GUCY2C: variants seen among roughly 807,000 people sequenced by gnomAD.
GUCY2C encodes guanylate cyclase 2C, also known as guanylyl cyclase C.
A neutral mutation model predicts 131.1 loss-of-function variants in GUCY2C; 118 were observed. The observed-to-expected ratio is 0.90, with a 90% CI of 0.78 to 1.05. The LOEUF is 1.05. Ranked by LOEUF, GUCY2C falls within the 50% of genes least tolerant of loss-of-function variation. The probability of loss-of-function intolerance (pLI) is 0.00; values close to 1 mark genes in which losing one functional copy is unlikely to be tolerated. For synonymous variants in GUCY2C, 452 were observed against 457.8 expected (o/e 0.99, Z 0.16); for missense variants, 1,161 against 1,304.4 (o/e 0.89, Z 1.69).
chr12:14,614,546 G>T, intron 26 of GUCY2C: 1 of 224,796 alleles, frequency 4.4e-6, no homozygotes, highest in East Asian at 1.1e-4. Flanking sequence ...TTGGGATAAA[G>T]GATCCACAGT....
intron 1 of GUCY2C, among the ~76,000 whole-genome samples, chr12:14,692,434 TGA>T (rs536268202): frequency 2.6e-5 from 4 of 152,332 alleles, no homozygotes; most frequent in African/African-American, 9.6e-5. Flanking sequence ...TTATTTTTTT[TGA>T]TGAATTTATA....
In GUCY2C at chr12:14,696,375, T is replaced by C. The variant is rs777382774; in HGVS notation, c.74A>G (p.Gln25Arg). The change falls in exon 1 of 27, where the codon CAG becomes CGG. Residue 25 changes from glutamine (Q) to arginine (R), a missense_variant. Physicochemically the swap from Gln to Arg is conservative, Grantham distance 43. Coordinates refer to ENST00000261170, the MANE Select transcript of GUCY2C (RefSeq NM_004963.4). ...FQPGWLSFSS[Q>R]VSQNCHNGSY... is the part of the protein sequence containing the mutation. The stretch of plus-strand genomic sequence containing the variant: ...GCCATTGTGGCAGTTCTGACTCACC[T>C]GGGAACTAAAGGACAGCCACCCGGG... 4 of 1,613,986 alleles carry C rather than the reference T, an allele frequency of 2.5e-6. No homozygotes were observed. The highest frequency in any genetic ancestry group is 3.4e-6 in the Non-Finnish European group (4 of 1,180,010).
At position 14,612,683 on chromosome 12, in the gene GUCY2C, G is replaced by A. The variant is rs1016106528; in HGVS notation, c.*434C>T. 1.2e-4 allele frequency: 18 copies of A among 154,864 alleles called. No homozygotes were observed. The highest frequency in any genetic ancestry group is 3.2e-4 in the Admixed American group (5 of 15,546). 9.6% of individuals were successfully genotyped at this position (154,864 alleles called of 1,614,324 possible). On this transcript the variant is annotated 3_prime_UTR_variant, in exon 27 of 27. Transcript: ENST00000261170. ...TTGCCTAATATATAGCATATTTTCT[G>A]CAAAAATTATGAGTTAAATATACTT...
chr12:14,662,398 G>A (rs939254770), intron 10 of GUCY2C, among the ~76,000 whole-genome samples: 8 of 152,226 alleles, frequency 5.3e-5, no homozygotes, highest in African/African-American at 1.4e-4. Context: ...GATGTTGGCC[G>A]GGTGCGGTGG....
chr12:14,681,405 T>C lies in GUCY2C; in HGVS notation c.684A>G (p.Gln228=). Residue 228 remains glutamine, a synonymous_variant, in exon 5 of 27, where the codon CAA becomes CAG. Transcript: ENST00000261170. Reference sequence around the variant, plus strand: ...TTAAGATATCCTGAAACTCCTTATCTTGTCTTAACACCACCTTAAAGCCGA... The same window carrying C: ...TTAAGATATCCTGAAACTCCTTATCCTGTCTTAACACCACCTTAAAGCCGA... The part of the protein sequence containing the change: ...HELGFKVVLR[Q]DKEFQDILMD... The C allele has an allele frequency of 6.2e-7, 1 of 1,611,986 alleles. No homozygotes were observed. The highest frequency in any genetic ancestry group is 8.5e-7 in the Non-Finnish European group (1 of 1,178,156).
chr12:14,619,439 AAAT>A, intron 23 of GUCY2C, 130 bp from the exon 24 acceptor site: 1 of 618,650 alleles, frequency 1.6e-6, no homozygotes, highest in South Asian at 2.1e-5. Flanking sequence ...TGAGGATGTG[AAAT>A]GTGAGCTGGG....
rs1948345178 is a variant in GUCY2C at position 14,681,396 on chromosome 12, C to G, written c.693G>C (p.Glu231Asp). The change falls in exon 5 of 27, where the codon GAG becomes GAC. Residue 231 changes from glutamate to aspartate, a missense_variant. Physicochemically the swap from Glu to Asp is conservative, Grantham distance 45. Coordinates refer to ENST00000261170, the MANE Select transcript of GUCY2C (RefSeq NM_004963.4). Reference sequence around the variant, plus strand: ...TGTGGTCCATTAAGATATCCTGAAACTCCTTATCTTGTCTTAACACCACCT... The same window carrying G: ...TGTGGTCCATTAAGATATCCTGAAAGTCCTTATCTTGTCTTAACACCACCT... ...GFKVVLRQDKEFQDILMDHNR... is the reference protein window; with the variant it reads ...GFKVVLRQDKDFQDILMDHNR... 2 of 1,612,244 alleles carry G rather than the reference C, an allele frequency of 1.2e-6. No individual in the cohort carries two copies.
intron 21 of GUCY2C, 108 bp downstream of exon 21, chr12:14,625,649 A>T (rs1042123668): frequency 1.7e-6 from 2 of 1,199,596 alleles, no homozygotes; most frequent in African/African-American, 3.0e-5. Context: ...GCATTTTAAA[A>T]CCAATAATCT....
In GUCY2C at chr12:14,661,070, G is replaced by A. The variant is rs556517733; in HGVS notation, c.1283-8C>T. On this transcript the variant is annotated splice_polypyrimidine_tract_variant and splice_region_variant and intron_variant, in intron 10 of 26. Coordinates refer to ENST00000261170, the MANE Select transcript of GUCY2C (RefSeq NM_004963.4). ...TCATCAGGATCTGAGGGCCTGTGGCGGAAAATGCGTTAGGAAGGACCTTAG... is the reference window on the plus strand; with the variant it reads ...TCATCAGGATCTGAGGGCCTGTGGCAGAAAATGCGTTAGGAAGGACCTTAG... 6.7e-5 allele frequency: 106 copies of A among 1,584,176 alleles called. No homozygotes were observed. Among genetic ancestry groups the A allele is most frequent in the South Asian group, 4.9e-4 (44 of 90,454 alleles).
At chr12:14,614,193 G>A (rs547409519) in intron 26 of GUCY2C, among the ~76,000 whole-genome samples, 21 of 152,214 alleles carry the variant, frequency 1.4e-4, no homozygotes, top group African/African-American at 4.8e-4. Context: ...GGAACACAAC[G>A]CTAGCTTTGC....
intron 19 of GUCY2C, among the ~76,000 whole-genome samples, chr12:14,637,469 C>G (rs1181560295): frequency 1.3e-5 from 2 of 152,150 alleles, no homozygotes; most frequent in East Asian, 1.9e-4. Flanking sequence ...AAAAAGAGCC[C>G]AAATAGCCAA....
chr12:14,668,608 A>G (rs981661360), intron 10 of GUCY2C, among the ~76,000 whole-genome samples: 1 of 149,700 alleles, frequency 6.7e-6, no homozygotes, highest in Non-Finnish European at 1.5e-5. Context: ...TTGGCTCTAA[A>G]TAATTTTATT....
intron 13 of GUCY2C, among the ~76,000 whole-genome samples, chr12:14,652,248 C>T (rs578182046): frequency 1.3e-5 from 2 of 152,190 alleles, no homozygotes; most frequent in East Asian, 1.9e-4. Flanking sequence ...AATCTCAGCT[C>T]ACTTCAATCT....
chr12:14,688,611 T>C (rs984560949), intron 1 of GUCY2C, among the ~76,000 whole-genome samples: 2 of 152,250 alleles, frequency 1.3e-5, no homozygotes, highest in South Asian at 4.1e-4. Flanking sequence ...CAAACAGTTA[T>C]TAAGTTCCTG....
At chr12:14,679,986 T>C (rs1251254577) in intron 5 of GUCY2C, among the ~76,000 whole-genome samples, 1 of 152,062 alleles carries the variant, frequency 6.6e-6, no homozygotes, top group Non-Finnish European at 1.5e-5. Flanking sequence ...TTCTTTTAAT[T>C]TTATAGATTT....
intron 21 of GUCY2C, among the ~76,000 whole-genome samples, chr12:14,623,528 T>C (rs575079198): frequency 6.6e-6 from 1 of 152,354 alleles, no homozygotes; most frequent in African/African-American, 2.4e-5. Context: ...GGAGGCTGCA[T>C]AGATGCAATG....
chr12:14,679,715 G>T lies in GUCY2C; in HGVS notation c.772C>A (p.Leu258Met). 1 of 1,598,576 alleles carries T rather than the reference G, an allele frequency of 6.3e-7. No homozygotes were observed. Among genetic ancestry groups the T allele is most frequent in the Non-Finnish European group, 8.6e-7 (1 of 1,165,874 alleles). ...MCGGPEFLYK[L>M]KGDRAVAEDI... ...TCAGCCACTGCTCGGTCACCCTTCA[G>T]CTTGTAGAGGAACTCTGGACCACCA... The change falls in exon 6 of 27, where the codon CTG (leucine) becomes ATG (methionine). Residue 258 changes from leucine to methionine, a missense_variant. Physicochemically the swap from Leu to Met is conservative, Grantham distance 15. Transcript: ENST00000261170.
intron 24 of GUCY2C, among the ~76,000 whole-genome samples, chr12:14,617,310 T>C (rs1027960079): frequency 2.0e-5 from 3 of 152,152 alleles, no homozygotes; most frequent in African/African-American, 7.2e-5. Flanking sequence ...AGAAATATAA[T>C]CTCACGTGGG....
chr12:14,684,957 TGG>T (rs1948443079), intron 3 of GUCY2C, among the ~76,000 whole-genome samples: 1 of 152,148 alleles, frequency 6.6e-6, no homozygotes, highest in South Asian at 2.1e-4. Flanking sequence ...CATTACAGGC[TGG>T]TGCCACTGAT....
Sources: gnomAD v4.1 joint callset for allele counts (sites outside exome capture counted in the v4.1 genomes callset) on GRCh38, gnomAD v4.1.1 for gene constraint, MANE v1.5 for transcripts, NCBI Gene and HGNC (gene_info 2026-07-23, HGNC 2026-07-21) for gene names.